The following NRSN1 variants were observed in gnomAD, a reference collection of about 807,000 sequenced individuals.
The protein encoded by NRSN1 is neurensin-1.
NRSN1 carries 14 observed loss-of-function variants against 17.3 expected under a neutral mutation model. The observed-to-expected ratio is 0.81, with a 90% CI of 0.54 to 1.27. The LOEUF is 1.27. Ranked by LOEUF, NRSN1 falls within the 50% of genes most tolerant of loss-of-function variation. The probability of loss-of-function intolerance (pLI) is 0.00; values close to 1 mark genes in which losing one functional copy is unlikely to be tolerated. For missense variants in NRSN1, 209 were observed against 235.9 expected (o/e 0.89, Z 0.75); for synonymous variants, 79 against 94.2 (o/e 0.84, Z 0.93).
At chr6:24,139,684 T>A (rs184910628) in intron 3 of NRSN1, among the ~76,000 whole-genome samples, 2 of 152,314 alleles carry the variant, frequency 1.3e-5, no homozygotes, top group Admixed American at 1.3e-4. Context: ...AAGTCACTGG[T>A]AACAGGTGGG....
At chr6:24,127,454 T>C (rs1016846818) in intron 1 of NRSN1, among the ~76,000 whole-genome samples, 13 of 152,320 alleles carry the variant, frequency 8.5e-5, no homozygotes, top group Non-Finnish European at 1.9e-4. Flanking sequence ...AAAAATATGG[T>C]CCCAGTTATT....
rs528339473 is a variant in NRSN1, at chr6:24,134,042, T to G, written c.-9-277T>G. On this transcript the variant is annotated intron_variant, in intron 2 of 3. Coordinates refer to ENST00000378491, the MANE Select transcript of NRSN1 (RefSeq NM_080723.5). The stretch of plus-strand genomic sequence containing the variant: ...TGTGTGTGTGTGTGTGTGTGTGTGT[T>G]TTTAGTAGAGACAGGGTTTCACCGT... Among the ~76,000 whole-genome samples, 334 of 47,230 alleles carry G rather than the reference T, an allele frequency of 7.1e-3. 2 individuals are homozygous for G. The highest frequency in any genetic ancestry group is 0.023 in the African/African-American group (306 of 13,034). The allele number at this position is 47,230 out of a possible 152,430, so 31.0% of individuals were successfully genotyped here. A position where few individuals can be genotyped will look rare whatever the true frequency, so the allele number is the denominator to read the frequency against.
chr6:24,145,155 A>G lies in NRSN1; in HGVS notation c.190-393A>G, dbSNP rs1760281657. On this transcript the variant is annotated intron_variant, in intron 3 of 3. Transcript: ENST00000378491. The surrounding 1 kb of genome is among the most constrained non-coding windows in gnomAD (Gnocchi z 4.4). The stretch of plus-strand genomic sequence containing the variant: ...TTTAGACATATAATATATAATATAT[A>G]TATCTTTGGACATATATATTATATA... 1.4e-5 allele frequency among the ~76,000 whole-genome samples: 2 copies of G among 144,724 alleles called. No homozygotes were observed. Among genetic ancestry groups the G allele is most frequent in the Admixed American group, 1.4e-4 (2 of 14,180 alleles). 94.9% of individuals were successfully genotyped at this position (144,724 alleles called of 152,430 possible). A position where few individuals can be genotyped will look rare whatever the true frequency, so the allele number is the denominator to read the frequency against.
intron 2 of NRSN1, chr6:24,129,730 A>G (rs2113710967): frequency 6.6e-6 from 1 of 152,334 alleles, no homozygotes; most frequent in Non-Finnish European, 1.5e-5. Context: ...CTGAATATTC[A>G]TTTAATGTAT....
At chr6:24,140,275 T>G (rs1416546479) in intron 3 of NRSN1, among the ~76,000 whole-genome samples, 1 of 152,122 alleles carries the variant, frequency 6.6e-6, no homozygotes. Flanking sequence ...GCTGGAGAAT[T>G]GCTTTCGAAG....
chr6:24,145,419 T>A lies in NRSN1; in HGVS notation c.190-129T>A. ...AACAGAAAATTAAGTAAGTGTTTCC[T>A]GCAAATTTGGGGTAACTGGGAATAT... On this transcript the variant is annotated intron_variant, in intron 3 of 3. Coordinates refer to ENST00000378491, the MANE Select transcript of NRSN1 (RefSeq NM_080723.5). This position sits in a 1 kb window ranked among gnomAD's most constrained non-coding sequence, Gnocchi z 4.4. The A allele has an allele frequency of 1.5e-6, 1 of 650,554 alleles. No individual in the cohort carries two copies. Among genetic ancestry groups the A allele is most frequent in the Non-Finnish European group, 2.5e-6 (1 of 404,480 alleles). 40.3% of individuals were successfully genotyped at this position (650,554 alleles called of 1,614,324 possible).
chr6:24,131,197 G>C (rs1760021451), intron 2 of NRSN1, among the ~76,000 whole-genome samples: 1 of 152,110 alleles, frequency 6.6e-6, no homozygotes, highest in African/African-American at 2.4e-5. Context: ...TCTCTTTTAT[G>C]ATTTGACCTA....
rs139464879 is a variant in NRSN1 at position 24,139,517 on chromosome 6, G to A, written c.189+5001G>A. Among the ~76,000 whole-genome samples, 139 of 152,290 alleles carry A rather than the reference G, an allele frequency of 9.1e-4. 1 individual carries two copies. Among genetic ancestry groups the A allele is most frequent in the Admixed American group, 7.6e-3 (117 of 15,298 alleles). ...TCACGAATGGGTGGATGGGAAGAAC[G>A]CAAATAGAGAAAATGGGAAGGAAGT... On this transcript the variant is annotated intron_variant, in intron 3 of 3. Coordinates refer to ENST00000378491, the MANE Select transcript of NRSN1 (RefSeq NM_080723.5).
intron 3 of NRSN1, among the ~76,000 whole-genome samples, chr6:24,141,815 C>T (rs868778475): frequency 2.0e-5 from 3 of 152,120 alleles, no homozygotes; most frequent in East Asian, 3.9e-4. Flanking sequence ...GCAGGCAGGA[C>T]GGTTTATTGA....
At chr6:24,137,116 A>G (rs1310631732) in intron 3 of NRSN1, among the ~76,000 whole-genome samples, 1 of 151,974 alleles carries the variant, frequency 6.6e-6, no homozygotes. Flanking sequence ...CCCTGCTTCC[A>G]CTGTAGTGTT....
chr6:24,132,192 C>G (rs1760043648), intron 2 of NRSN1, among the ~76,000 whole-genome samples: 1 of 152,186 alleles, frequency 6.6e-6, no homozygotes, highest in Admixed American at 6.5e-5. Flanking sequence ...TCATGTGTAG[C>G]TAAGGGCACA....
chr6:24,142,152 C>A (rs1237292930), intron 3 of NRSN1, among the ~76,000 whole-genome samples: 2 of 134,600 alleles, frequency 1.5e-5, no homozygotes, highest in African/African-American at 5.3e-5. Flanking sequence ...ATTTTACAGC[C>A]CAATTTTTCC....
At chr6:24,127,624 C>G (rs12203139) in intron 1 of NRSN1, among the ~76,000 whole-genome samples, 1 of 152,044 alleles carries the variant, frequency 6.6e-6, no homozygotes, top group Admixed American at 6.6e-5. Flanking sequence ...AAAACTCAGC[C>G]TAATAAGTAA....
intron 3 of NRSN1, among the ~76,000 whole-genome samples, chr6:24,140,032 C>T (rs1225988322): frequency 1.3e-5 from 2 of 152,170 alleles, no homozygotes; most frequent in Admixed American, 1.3e-4. Context: ...ACAGAGGAAA[C>T]AGTGTGTCAG....
At chr6:24,138,578 T>A (rs774991554) in intron 3 of NRSN1, among the ~76,000 whole-genome samples, 1 of 152,172 alleles carries the variant, frequency 6.6e-6, no homozygotes, top group Non-Finnish European at 1.5e-5. Context: ...GAGGTTAATA[T>A]GTCATGGAGG....
rs775560059 is a variant in NRSN1, at chr6:24,145,647, G to A, written c.289G>A (p.Asp97Asn). Residue 97 changes from aspartate (D) to asparagine (N), a missense_variant, in exon 4 of 4, where the codon GAT (aspartate) becomes AAT (asparagine). Physicochemically the swap from Asp to Asn is conservative, Grantham distance 23 (BLOSUM62 1). Coordinates refer to ENST00000378491, the MANE Select transcript of NRSN1 (RefSeq NM_080723.5). This position sits in a 1 kb window ranked among gnomAD's most constrained non-coding sequence, Gnocchi z 4.4. ...CAAAATCGAAGCATTTGGCGAAGCC[G>A]ATTTTGTGGTGGTCGACACACATGC... ...PPKIEAFGEADFVVVDTHAVQ... is the reference protein window; with the variant it reads ...PPKIEAFGEANFVVVDTHAVQ... 6 of 1,614,100 alleles carry A rather than the reference G, an allele frequency of 3.7e-6. No homozygotes were observed. The highest frequency in any genetic ancestry group is 1.3e-5 in the African/African-American group (1 of 75,040).
In NRSN1 at chr6:24,145,653, G is replaced by T; in HGVS notation, c.295G>T (p.Val99Leu). The T allele has an allele frequency of 1.2e-6, 2 of 1,614,148 alleles. No individual in the cohort carries two copies. The highest frequency in any genetic ancestry group is 1.3e-5 in the African/African-American group (1 of 75,056). ...CGAAGCATTTGGCGAAGCCGATTTT[G>T]TGGTGGTCGACACACATGCTGTCCA... ...KIEAFGEADF[V>L]VVDTHAVQFN... Residue 99 changes from valine (V) to leucine (L), a missense_variant, in exon 4 of 4, where the codon GTG becomes TTG. Val to Leu is a conservative substitution (Grantham distance 32). Coordinates refer to ENST00000378491, the MANE Select transcript of NRSN1 (RefSeq NM_080723.5). This position sits in a 1 kb window ranked among gnomAD's most constrained non-coding sequence, Gnocchi z 4.4.
intron 3 of NRSN1, among the ~76,000 whole-genome samples, chr6:24,144,797 G>A (rs1410362395): frequency 6.6e-6 from 1 of 151,836 alleles, no homozygotes; most frequent in Non-Finnish European, 1.5e-5. Context: ...TCTGTGAGAT[G>A]GTGCCTGGCA....
At chr6:24,140,950 C>T in intron 3 of NRSN1, 1 of 1,345,620 alleles carries the variant, frequency 7.4e-7, no homozygotes, top group Non-Finnish European at 9.6e-7. Context: ...ACACATCCTC[C>T]CACAGCCAAG....
Sources: allele counts gnomAD v4.1 joint callset (sites outside exome capture counted in the v4.1 genomes callset), GRCh38; gene constraint gnomAD v4.1.1; non-coding constraint Gnocchi (gnomAD v3.1); transcripts MANE v1.5; gene names NCBI Gene and HGNC (gene_info 2026-07-23, HGNC 2026-07-21).